The following KIDINS220 variants were observed in gnomAD, a reference collection of about 807,000 sequenced individuals.
KIDINS220 encodes kinase D-interacting substrate of 220 kDa.
Under a neutral mutation model 157.6 loss-of-function variants are expected in KIDINS220, and 63 were observed. That is an observed-to-expected ratio of 0.40 (90% CI 0.33 to 0.49). The LOEUF is 0.49. Among genes scored for constraint, KIDINS220 ranks in the 20% least tolerant of loss-of-function variants. KIDINS220 has a pLI of 0.66. For synonymous variants in KIDINS220, 732 were observed against 783.6 expected, an observed-to-expected ratio of 0.93 and a Z score of 1.10; for missense variants, 1,772 against 2,171.2, an observed-to-expected ratio of 0.82 and a Z score of 3.65.
At chr2:8,813,054 T>C (rs2148376076) in intron 5 of KIDINS220, among the ~76,000 whole-genome samples, 183 bp downstream of exon 5, 1 of 152,346 alleles carries the variant, frequency 6.6e-6, no homozygotes, top group Non-Finnish European at 1.5e-5. Flanking sequence ...CTGACAACAA[T>C]TGAGAAATAC....
chr2:8,828,051 C>A (rs909600057), intron 1 of KIDINS220, among the ~76,000 whole-genome samples: 1 of 152,138 alleles, frequency 6.6e-6, no homozygotes, highest in Non-Finnish European at 1.5e-5. Flanking sequence ...CCTCTAAGGG[C>A]TTCTCGGGGT....
chr2:8,793,957 G>A lies in KIDINS220; in HGVS notation c.1129C>T (p.Arg377Cys), dbSNP rs930376031. Residue 377 changes from arginine to cysteine, a missense_variant, in exon 12 of 30, where the codon CGT becomes TGT. Arg to Cys is a radical substitution (Grantham distance 180). Around this residue, in one of 3 missense-constraint regions of KIDINS220, gnomAD observed 725 missense variants for 1,017.1 expected, o/e 0.71. Transcript: ENST00000256707. ...KGDTPLHIAI[R>C]GRSRKLAELL... ...TCTGCCAGTTTCCGGCTCCTTCCAC[G>A]AATAGCAATATGCAAGGGAGTATCT... The A allele has an allele frequency of 8.1e-6, 13 of 1,612,662 alleles. No individual in the cohort carries two copies. The highest frequency in any genetic ancestry group is 2.2e-5 in the South Asian group (2 of 90,744).
Position 8,793,956 on chromosome 2 carries a change from C to T in KIDINS220, c.1130G>A (p.Arg377His), listed in dbSNP as rs1284830001. Residue 377 changes from arginine to histidine, a missense_variant, in exon 12 of 30, where the codon CGT becomes CAT. This residue lies in a region of KIDINS220 where 725 missense variants were observed against 1,017.1 expected (regional missense o/e 0.71). Coordinates refer to ENST00000256707, the MANE Select transcript of KIDINS220 (RefSeq NM_020738.4). ...TTCTGCCAGTTTCCGGCTCCTTCCA[C>T]GAATAGCAATATGCAAGGGAGTATC... Reference protein sequence around the residue: ...KGDTPLHIAIRGRSRKLAELL... With the variant: ...KGDTPLHIAIHGRSRKLAELL... 18 of 1,612,674 alleles carry T rather than the reference C, an allele frequency of 1.1e-5. No homozygotes were observed. Among genetic ancestry groups the T allele is most frequent in the South Asian group, 3.3e-5 (3 of 90,740 alleles).
chr2:8,747,140 A>G lies in KIDINS220; in HGVS notation c.3585+5T>C. 6.2e-7 allele frequency: 1 copy of G among 1,613,428 alleles called. No individual in the cohort carries two copies. Among genetic ancestry groups the G allele is most frequent in the Non-Finnish European group, 8.5e-7 (1 of 1,179,348 alleles). On this transcript the variant is annotated splice_donor_5th_base_variant and intron_variant, in intron 26 of 29. Transcript: ENST00000256707. The stretch of plus-strand genomic sequence containing the variant: ...GCGATCCACACCACAGGACTACTCC[A>G]TTACCCTCGAGGAGTCTGTGGGTGA...
At chr2:8,780,294 T>A (rs892334620) in intron 17 of KIDINS220, among the ~76,000 whole-genome samples, 4 of 152,176 alleles carry the variant, frequency 2.6e-5, no homozygotes, top group Non-Finnish European at 5.9e-5. Flanking sequence ...ACTTATATTA[T>A]TAGACAGTAG....
intron 17 of KIDINS220, among the ~76,000 whole-genome samples, chr2:8,782,804 T>C (rs746658022): frequency 1.3e-5 from 2 of 152,178 alleles, no homozygotes; most frequent in South Asian, 2.1e-4. Flanking sequence ...ATATGCAAAA[T>C]GTATAAAAAG....
intron 4 of KIDINS220, among the ~76,000 whole-genome samples, chr2:8,816,082 A>G (rs1677041675): frequency 6.6e-6 from 1 of 152,150 alleles, no homozygotes. Flanking sequence ...AGTTTCCCCA[A>G]CTTTCAGTGT....
chr2:8,758,065 G>A (rs1157008326), intron 22 of KIDINS220, among the ~76,000 whole-genome samples: 2 of 152,168 alleles, frequency 1.3e-5, no homozygotes, highest in Non-Finnish European at 2.9e-5. Flanking sequence ...GTTTCACCAT[G>A]CTGGCCAGGC....
intron 1 of KIDINS220, among the ~76,000 whole-genome samples, chr2:8,835,277 A>G (rs554967959): frequency 6.6e-6 from 1 of 152,292 alleles, no homozygotes; most frequent in East Asian, 1.9e-4. Context: ...TATGCTAAAG[A>G]TACCTCTTCT....
chr2:8,772,948 A>T (rs1670434919), intron 21 of KIDINS220, among the ~76,000 whole-genome samples: 1 of 152,148 alleles, frequency 6.6e-6, no homozygotes, highest in African/African-American at 2.4e-5. Flanking sequence ...TTTGCCTTCA[A>T]ATTCTATCCT....
intron 19 of KIDINS220, 36 bp from the exon 20 acceptor site, chr2:8,778,763 A>C: frequency 6.3e-7 from 1 of 1,597,550 alleles, no homozygotes; most frequent in Non-Finnish European, 8.6e-7. Flanking sequence ...CACTTACACC[A>C]AAATTCTGTT....
chr2:8,778,213 G>A (rs946615163), intron 20 of KIDINS220, among the ~76,000 whole-genome samples: 1 of 152,210 alleles, frequency 6.6e-6, no homozygotes, highest in African/African-American at 2.4e-5. Flanking sequence ...AGAGAAAAAA[G>A]AGTGAGCGTC....
chr2:8,727,259 G>T, downstream of KIDINS220: 1 of 1,072,912 alleles, frequency 9.3e-7, no homozygotes, highest in South Asian at 2.9e-5. Context: ...GCCCAGTGTC[G>T]GCGTGCGCCT....
downstream of KIDINS220, chr2:8,727,354 AC>A: frequency 1.4e-6 from 1 of 733,186 alleles, no homozygotes; most frequent in Non-Finnish European, 1.7e-6. Flanking sequence ...CTTCCCTTTT[AC>A]CCACGTATTC....
intron 17 of KIDINS220, among the ~76,000 whole-genome samples, chr2:8,780,385 G>A (rs1671527253): frequency 6.6e-6 from 1 of 152,080 alleles, no homozygotes; most frequent in South Asian, 2.1e-4. Flanking sequence ...CTCCAAATAT[G>A]TATTTCCACT....
At position 8,778,988 on chromosome 2, in the gene KIDINS220, G is replaced by C. The variant is rs1268909286; in HGVS notation, c.2522C>G (p.Pro841Arg). ...TAGTCCACGACTATTAAGGAACACA[G>C]GCAAGTGGACTATGTTGCGCATGTA... ...HDYMRNIVHL[P>R]VFLNSRGLSN... Residue 841 changes from proline (P) to arginine (R), a missense_variant, in exon 19 of 30, where the codon CCT (proline) becomes CGT (arginine). By Grantham distance (103) the Pro-to-Arg change is moderately radical. Around this residue, in one of 3 missense-constraint regions of KIDINS220, gnomAD observed 725 missense variants for 1,017.1 expected, o/e 0.71. Transcript: ENST00000256707. 1 of 1,613,984 alleles carries C rather than the reference G, an allele frequency of 6.2e-7. No individual in the cohort carries two copies. The highest frequency in any genetic ancestry group is 8.5e-7 in the Non-Finnish European group (1 of 1,180,012).
chr2:8,776,933 C>CA, intron 20 of KIDINS220, 41 bp from the exon 21 acceptor site: 1 of 1,596,100 alleles, frequency 6.3e-7, no homozygotes, highest in Non-Finnish European at 8.5e-7. Flanking sequence ...CCCACGCGTC[C>CA]AGTCTAAGAA....
chr2:8,796,415 C>T (rs1297273506), intron 11 of KIDINS220, among the ~76,000 whole-genome samples: 1 of 152,130 alleles, frequency 6.6e-6, no homozygotes, highest in African/African-American at 2.4e-5. Flanking sequence ...ACATTAACAC[C>T]GTCTGCTCTG....
At position 8,733,474 on chromosome 2, in the gene KIDINS220, A is replaced by G; in HGVS notation, c.4023T>C (p.Gly1341=). 1 of 1,614,068 alleles carries G rather than the reference A, an allele frequency of 6.2e-7. No homozygotes were observed. The highest frequency in any genetic ancestry group is 8.5e-7 in the Non-Finnish European group (1 of 1,179,986). The stretch of plus-strand genomic sequence containing the variant: ...AACTTAGATTACTGTGACGAGGGGC[A>G]CCTTCATCCAGGCCAAGCGTGTTCA... The part of the protein sequence containing the change: ...EELNTLGLDE[G]APRHSNLSWQ... The change falls in exon 29 of 30, where the codon GGT becomes GGC. Residue 1341 remains glycine (G), a synonymous_variant. Coordinates refer to ENST00000256707, the MANE Select transcript of KIDINS220 (RefSeq NM_020738.4).
Sources: gnomAD v4.1 joint callset for allele counts (sites outside exome capture counted in the v4.1 genomes callset) on GRCh38, gnomAD v4.1.1 for gene constraint, gnomAD v4.1.1 regional missense constraint, MANE v1.5 for transcripts, NCBI Gene and HGNC (gene_info 2026-07-23, HGNC 2026-07-21) for gene names.